The following STRN3 variants were observed in gnomAD, a reference collection of about 807,000 sequenced individuals.
STRN3 encodes striatin 3, also known as striatin-3.
Under a neutral mutation model 95.6 loss-of-function variants are expected in STRN3, and 29 were observed. The ratio of observed to expected loss-of-function variants is 0.30; its 90% CI spans 0.23 to 0.41. The LOEUF is 0.41. Ranked by LOEUF, STRN3 falls within the 10% of genes least tolerant of loss-of-function variation. STRN3 has a pLI of 1.00. For missense variants in STRN3, 890 were observed against 972.1 expected, an observed-to-expected ratio of 0.92 and a Z score of 1.12; for synonymous variants, 331 against 357.6, an observed-to-expected ratio of 0.93 and a Z score of 0.84.
intron 15 of STRN3, among the ~76,000 whole-genome samples, chr14:30,904,267 T>C (rs759112649): frequency 3.9e-5 from 6 of 152,150 alleles, no homozygotes; most frequent in Admixed American, 2.6e-4. Context: ...ACCAAAGTCA[T>C]GGCAAAAGGA....
intron 16 of STRN3, among the ~76,000 whole-genome samples, chr14:30,896,718 T>A (rs1474995134): frequency 6.6e-6 from 1 of 152,194 alleles, no homozygotes; most frequent in Non-Finnish European, 1.5e-5. Context: ...TCAGTTCACT[T>A]ATCCTTTGAA....
In STRN3 at chr14:30,895,105, A is replaced by T. The variant is rs1896106482; in HGVS notation, c.*306T>A. The T allele has an allele frequency of 3.7e-6, 1 of 273,640 alleles. No homozygotes were observed. Among genetic ancestry groups the T allele is most frequent in the African/African-American group, 2.3e-5 (1 of 43,876 alleles). The allele number at this position is 273,640 out of a possible 1,614,324, so 17.0% of individuals were successfully genotyped here. A position where few individuals can be genotyped will look rare whatever the true frequency, so the allele number is the denominator to read the frequency against. ...GAAGAAGAAGAAGAGAAAAAAAAAA[A>T]CTTTTTTGAAAGATCAGACTCCACA... On this transcript the variant is annotated 3_prime_UTR_variant, in exon 18 of 18. Coordinates refer to ENST00000357479, the MANE Select transcript of STRN3 (RefSeq NM_001083893.2).
chr14:30,951,870 G>A (rs1594485461), intron 3 of STRN3, among the ~76,000 whole-genome samples: 1 of 152,042 alleles, frequency 6.6e-6, no homozygotes, highest in African/African-American at 2.4e-5. Context: ...GTAATCCCAG[G>A]ACTTTGGGAG....
chr14:30,901,767 G>A (rs1896321603), intron 16 of STRN3, among the ~76,000 whole-genome samples: 1 of 152,024 alleles, frequency 6.6e-6, no homozygotes, highest in Non-Finnish European at 1.5e-5. Flanking sequence ...AATCTGATTC[G>A]ACTTCAATAC....
At chr14:30,933,289 A>T (rs1029054814) in intron 7 of STRN3, among the ~76,000 whole-genome samples, 3 of 149,960 alleles carry the variant, frequency 2.0e-5, no homozygotes, top group Admixed American at 6.6e-5. Context: ...ATAAAAAAAA[A>T]AAAAAAAAAA....
At chr14:30,995,814 G>A (rs1882168990) in intron 1 of STRN3, among the ~76,000 whole-genome samples, 1 of 152,196 alleles carries the variant, frequency 6.6e-6, no homozygotes, top group Non-Finnish European at 1.5e-5. Flanking sequence ...AGCAGACACT[G>A]ATGTGCTGCC....
chr14:30,978,124 C>G (rs1566471079), intron 1 of STRN3, among the ~76,000 whole-genome samples: 1 of 152,066 alleles, frequency 6.6e-6, no homozygotes, highest in Non-Finnish European at 1.5e-5. Context: ...TTCCAGAAAA[C>G]AGAAGCAAAA....
chr14:30,969,911 A>G (rs1245066415), intron 1 of STRN3, among the ~76,000 whole-genome samples: 33 of 152,048 alleles, frequency 2.2e-4, no homozygotes, highest in Admixed American at 2.1e-3. Flanking sequence ...GAAGGACCCT[A>G]CCTTGTGCTG....
intron 7 of STRN3, among the ~76,000 whole-genome samples, chr14:30,933,292 A>AC (rs1878641294): frequency 3.3e-5 from 5 of 150,228 alleles, no homozygotes; most frequent in Admixed American, 6.6e-5. Flanking sequence ...AAAAAAAAAA[A>AC]AAAAAAAAAA....
At chr14:30,941,400 A>T (rs1035717297) in intron 5 of STRN3, among the ~76,000 whole-genome samples, 1 of 152,188 alleles carries the variant, frequency 6.6e-6, no homozygotes, top group Non-Finnish European at 1.5e-5. Context: ...AACATACTGG[A>T]AGTCACACAG....
At chr14:30,946,796 G>A in intron 5 of STRN3, among the ~76,000 whole-genome samples, 1 of 152,038 alleles carries the variant, frequency 6.6e-6, no homozygotes, top group Non-Finnish European at 1.5e-5. Context: ...TGGCCAACGT[G>A]GTGAAACCCC....
At chr14:30,903,547 C>A (rs1431565286) in intron 15 of STRN3, among the ~76,000 whole-genome samples, 1 of 152,136 alleles carries the variant, frequency 6.6e-6, no homozygotes, top group Non-Finnish European at 1.5e-5. Flanking sequence ...TACAGGCACA[C>A]ATCACCATGC....
intron 1 of STRN3, among the ~76,000 whole-genome samples, chr14:31,016,542 A>T (rs1001039140): frequency 3.3e-5 from 5 of 150,210 alleles, no homozygotes; most frequent in South Asian, 2.1e-4. Flanking sequence ...AAATAATAAA[A>T]ATATATATAT....
At chr14:31,000,488 T>C (rs896994168) in intron 1 of STRN3, among the ~76,000 whole-genome samples, 1 of 143,132 alleles carries the variant, frequency 7.0e-6, no homozygotes, top group Admixed American at 7.2e-5. Context: ...CTCAAAAAGA[T>C]ACAATTCCAA....
chr14:31,000,872 C>T (rs1882418815), intron 1 of STRN3, among the ~76,000 whole-genome samples: 1 of 152,032 alleles, frequency 6.6e-6, no homozygotes, highest in Non-Finnish European at 1.5e-5. Context: ...AGAGATAAGC[C>T]TTACAAGGAC....
intron 1 of STRN3, among the ~76,000 whole-genome samples, chr14:31,003,191 G>A (rs1350358239): frequency 2.0e-5 from 3 of 151,096 alleles, no homozygotes; most frequent in Non-Finnish European, 4.4e-5. Context: ...GAACCCAGGA[G>A]GCGGAGGTTG....
At chr14:30,919,665 A>C (rs1383033169) in intron 8 of STRN3, among the ~76,000 whole-genome samples, 1 of 152,058 alleles carries the variant, frequency 6.6e-6, no homozygotes, top group Non-Finnish European at 1.5e-5. Flanking sequence ...ATCAACCCCA[A>C]TTTCTTTCAA....
chr14:31,006,741 A>C (rs1014510507), intron 1 of STRN3, among the ~76,000 whole-genome samples: 1 of 152,100 alleles, frequency 6.6e-6, no homozygotes. Flanking sequence ...ATACAAAAAA[A>C]AAGGATCTAG....
At chr14:30,900,318 C>T (rs1896271825) in intron 16 of STRN3, among the ~76,000 whole-genome samples, 1 of 148,794 alleles carries the variant, frequency 6.7e-6, no homozygotes, top group African/African-American at 2.5e-5. Flanking sequence ...GTGATCGTGC[C>T]ACTGCACTCC....
Sources: gnomAD v4.1 joint callset for allele counts (sites outside exome capture counted in the v4.1 genomes callset) on GRCh38, gnomAD v4.1.1 for gene constraint, MANE v1.5 for transcripts, NCBI Gene and HGNC (gene_info 2026-07-23, HGNC 2026-07-21) for gene names.